Variants in GCN1 observed in about 807,000 individuals in gnomAD.
The protein encoded by GCN1 is GCN1 activator of EIF2AK4, also known as stalled ribosome sensor GCN1.
In GCN1, 90 loss-of-function variants were observed where a neutral mutation model predicts 288.4. That is an observed-to-expected ratio of 0.31 (90% CI 0.26 to 0.37). The LOEUF is 0.37. GCN1 is among the 10% of genes least tolerant of loss of function. The probability of loss-of-function intolerance (pLI) is 1.00; values close to 1 mark genes in which losing one functional copy is unlikely to be tolerated. For synonymous variants in GCN1, 1,386 were observed against 1,420.2 expected (o/e 0.98, Z 0.54); for missense variants, 2,586 against 3,419.9 (o/e 0.76, Z 6.08).
Position 120,156,430 on chromosome 12 carries a change from C to A in GCN1, c.3312+31G>T, listed in dbSNP as rs74614037. The A allele has an allele frequency of 4.8e-3, 7,734 of 1,606,946 alleles. 305 individuals are homozygous for A. In the African/African-American group the frequency reaches 0.087, roughly 18 times the overall value. On this transcript the variant is annotated intron_variant, in intron 28 of 57. Transcript: ENST00000300648. This position sits in a 1 kb window ranked among gnomAD's most constrained non-coding sequence, Gnocchi z 5.8. Reference sequence around the variant, plus strand: ...TGCACTTGCATAGAGTGACAAGGGACACTGCAGTGGCTCTGAGACTGAGCA... The same window carrying A: ...TGCACTTGCATAGAGTGACAAGGGAAACTGCAGTGGCTCTGAGACTGAGCA...
intron 16 of GCN1, among the ~76,000 whole-genome samples, chr12:120,167,627 T>C (rs767679479): frequency 2.6e-5 from 4 of 152,192 alleles, no homozygotes; most frequent in East Asian, 1.9e-4. Context: ...TATCTATTTT[T>C]GAATTACATT....
intron 12 of GCN1, among the ~76,000 whole-genome samples, chr12:120,174,789 CAAA>C (rs1212428710): frequency 3.3e-5 from 1 of 30,404 alleles, no homozygotes. Flanking sequence ...GACTCCATCT[CAAA>C]AAAAAAAAAA....
intron 5 of GCN1, among the ~76,000 whole-genome samples, chr12:120,180,957 A>G (rs571532085): frequency 6.6e-6 from 1 of 150,782 alleles, no homozygotes; most frequent in Admixed American, 6.6e-5. Context: ...GCCTCACTGC[A>G]CTCCAGCCTA....
chr12:120,175,635 A>G (rs1164567150), intron 11 of GCN1, 111 bp downstream of exon 11: 1 of 1,164,248 alleles, frequency 8.6e-7, no homozygotes, highest in Non-Finnish European at 1.2e-6. Context: ...CCCTGGCCAC[A>G]CAGCCTTGCC....
rs960890036 is a variant in GCN1 at position 120,137,485 on chromosome 12, T to G, written c.6663+60A>C. On this transcript the variant is annotated intron_variant, in intron 49 of 57. Transcript: ENST00000300648. The surrounding 1 kb of genome is among the most constrained non-coding windows in gnomAD (Gnocchi z 5.2). ...TGGGGGATTCTTATAAGTCTATTCC[T>G]GTAAATGTCTGGAATTTTCTAAAAG... 1.9e-5 allele frequency: 30 copies of G among 1,567,398 alleles called. No homozygotes were observed. In the Admixed American group the frequency reaches 5.1e-4, roughly 27 times the overall value.
In GCN1 at chr12:120,170,312, A is replaced by T; in HGVS notation, c.1376T>A (p.Leu459Gln). 6.2e-7 allele frequency: 1 copy of T among 1,614,140 alleles called. No individual in the cohort carries two copies. The highest frequency in any genetic ancestry group is 8.5e-7 in the Non-Finnish European group (1 of 1,179,968). The change falls in exon 15 of 58, where the codon CTG (leucine) becomes CAG (glutamine). Residue 459 changes from leucine (L) to glutamine (Q), a missense_variant. By Grantham distance (113) the Leu-to-Gln change is moderately radical. Coordinates refer to ENST00000300648, the MANE Select transcript of GCN1 (RefSeq NM_006836.2). ...CMLASYRGDT[L>Q]LQALDLLPLL... ...GGGCAGTAAGTCCAGGGCCTGCAAC[A>T]GCGTGTCACCTGTGGAGAGAGGACA...
chr12:120,161,522 T>C lies in GCN1; in HGVS notation c.2404A>G (p.Lys802Glu). Residue 802 changes from lysine (K) to glutamate (E), a missense_variant, in exon 22 of 58, where the codon AAA becomes GAA. Physicochemically the swap from Lys to Glu is moderately conservative, Grantham distance 56 (BLOSUM62 1). This residue lies in a region of GCN1 where 913 missense variants were observed against 1,107.0 expected (regional missense o/e 0.82). Coordinates refer to ENST00000300648, the MANE Select transcript of GCN1 (RefSeq NM_006836.2). ...MKRENKAYSF[K>E]EQIIELELKE... ...AGCTCCAGCTCGATGATCTGCTCTTTGAAGGAATAAGCTTTGTTCTCTCGC... is the reference window on the plus strand; with the variant it reads ...AGCTCCAGCTCGATGATCTGCTCTTCGAAGGAATAAGCTTTGTTCTCTCGC... 1.2e-6 allele frequency: 2 copies of C among 1,613,978 alleles called. No individual in the cohort carries two copies. The highest frequency in any genetic ancestry group is 1.1e-5 in the South Asian group (1 of 91,074).
At chr12:120,169,876 T>C (rs1369992465) in intron 15 of GCN1, among the ~76,000 whole-genome samples, 1 of 152,238 alleles carries the variant, frequency 6.6e-6, no homozygotes, top group Non-Finnish European at 1.5e-5. Flanking sequence ...ACTGTATGAA[T>C]GTATAACCAA....
intron 55 of GCN1, 37 bp from the exon 56 acceptor site, chr12:120,130,790 C>G (rs537293941): frequency 2.2e-6 from 3 of 1,365,348 alleles, no homozygotes; most frequent in African/African-American, 1.4e-5. Flanking sequence ...GGAGGCCCCC[C>G]ACCCCTTCCC....
At position 120,190,326 on chromosome 12, in the gene GCN1, A is replaced by C. The variant is rs1327299974; in HGVS notation, c.93T>G (p.Ser31Arg). ...TTCCAGCAACACACTTCCCAAGTTC[A>C]CTGAGGATTTCTCTCCGTTCCTTTA... ...ASVKERREIL[S>R]ELGKCVAGKD... The change falls in exon 2 of 58, where the codon AGT (serine) becomes AGG (arginine). Residue 31 changes from serine (S) to arginine (R), a missense_variant. By Grantham distance (110) the Ser-to-Arg change is moderately radical. Coordinates refer to ENST00000300648, the MANE Select transcript of GCN1 (RefSeq NM_006836.2). The C allele has an allele frequency of 1.9e-6, 3 of 1,599,414 alleles. No individual in the cohort carries two copies. Among genetic ancestry groups the C allele is most frequent in the Non-Finnish European group, 2.6e-6 (3 of 1,166,878 alleles).
At chr12:120,188,147 C>CT (rs1414356292) in intron 2 of GCN1, among the ~76,000 whole-genome samples, 1 of 152,102 alleles carries the variant, frequency 6.6e-6, no homozygotes, top group African/African-American at 2.4e-5. Context: ...AAAACATGAC[C>CT]TCTAGGCTGG....
In GCN1 at chr12:120,168,900, G is replaced by A. The variant is rs115681558; in HGVS notation, c.1520-600C>T. 3.8e-3 allele frequency among the ~76,000 whole-genome samples: 585 copies of A among 152,266 alleles called. 5 individuals are homozygous for A. The highest frequency in any genetic ancestry group is 0.014 in the African/African-American group (566 of 41,564). ...CCCAGGTAGCCCAGTGCCTTGCATGGCCACAGTGAGCACACGATATTACAT... is the reference window on the plus strand; with the variant it reads ...CCCAGGTAGCCCAGTGCCTTGCATGACCACAGTGAGCACACGATATTACAT... On this transcript the variant is annotated intron_variant, in intron 15 of 57. Transcript: ENST00000300648.
intron 1 of GCN1, 100 bp downstream of exon 1, chr12:120,194,580 C>G: frequency 8.9e-7 from 1 of 1,119,112 alleles, no homozygotes; most frequent in Non-Finnish European, 1.3e-6. Flanking sequence ...CAGCCACCAC[C>G]TCCAACGCCC....
At chr12:120,188,019 T>C (rs1247612110) in intron 2 of GCN1, among the ~76,000 whole-genome samples, 1 of 152,230 alleles carries the variant, frequency 6.6e-6, no homozygotes, top group East Asian at 1.9e-4. Context: ...TTTCCCAAAA[T>C]GTGTTCCCCA....
Position 120,158,656 on chromosome 12 carries a change from G to C in GCN1, c.2750-41C>G. On this transcript the variant is annotated intron_variant, in intron 24 of 57. Transcript: ENST00000300648. This position sits in a 1 kb window ranked among gnomAD's most constrained non-coding sequence, Gnocchi z 4.3. ...GAGACCCAGCAGGAGATGACACACA[G>C]AGATGTGGAATCCAGCCCAGGCTAA... 1 of 1,545,012 alleles carries C rather than the reference G, an allele frequency of 6.5e-7. No individual in the cohort carries two copies. The highest frequency in any genetic ancestry group is 8.8e-7 in the Non-Finnish European group (1 of 1,138,216).
intron 55 of GCN1, 26 bp downstream of exon 55, chr12:120,131,159 T>C: frequency 6.2e-7 from 1 of 1,609,026 alleles, no homozygotes; most frequent in Non-Finnish European, 8.5e-7. Flanking sequence ...GGCCTATGCC[T>C]ATGGGATATG....
chr12:120,179,940 T>C (rs1262660215), intron 5 of GCN1, among the ~76,000 whole-genome samples: 1 of 152,164 alleles, frequency 6.6e-6, no homozygotes, highest in Non-Finnish European at 1.5e-5. Flanking sequence ...CATCTTGATA[T>C]GGGGATTCGA....
At chr12:120,194,546 A>AGTC in intron 1 of GCN1, 134 bp downstream of exon 1, 1 of 872,712 alleles carries the variant, frequency 1.1e-6, no homozygotes, top group Non-Finnish European at 1.7e-6. Flanking sequence ...CCAGCCTGAG[A>AGTC]CGGCCCCGAG....
At chr12:120,128,985 C>T (rs1345976926) in intron 57 of GCN1, among the ~76,000 whole-genome samples, 4 of 151,728 alleles carry the variant, frequency 2.6e-5, no homozygotes, top group East Asian at 2.0e-4. Context: ...GGGACAAAGC[C>T]GCCCACCACG....
Sources: gnomAD v4.1 joint callset for allele counts (sites outside exome capture counted in the v4.1 genomes callset) on GRCh38, gnomAD v4.1.1 for gene constraint, gnomAD v4.1.1 regional missense constraint, Gnocchi (gnomAD v3.1) non-coding constraint, MANE v1.5 for transcripts, NCBI Gene and HGNC (gene_info 2026-07-23, HGNC 2026-07-21) for gene names.